Variants in HGS observed in about 807,000 individuals in gnomAD.
HGS encodes the protein hepatocyte growth factor-regulated tyrosine kinase substrate, also known as human growth factor-regulated tyrosine kinase substrate.
Under a neutral mutation model 109.7 loss-of-function variants are expected in HGS, and 63 were observed. The ratio of observed to expected loss-of-function variants is 0.57; its 90% confidence interval spans 0.47 to 0.71. The LOEUF is 0.71. Ranked by LOEUF, HGS falls within the 30% of genes least tolerant of loss-of-function variation. The probability of loss-of-function intolerance (pLI) is 0.00; values close to 1 mark genes in which losing one functional copy is unlikely to be tolerated. For synonymous variants in HGS, 546 were observed against 437.3 expected (o/e 1.25, Z -3.10); for missense variants, 995 against 1,068.3 (o/e 0.93, Z 0.96).
intron 18 of HGS, 116 bp from the exon 19 acceptor site, chr17:81,700,349 CAG>C: frequency 9.4e-7 from 1 of 1,060,302 alleles, no homozygotes; most frequent in East Asian, 2.7e-5. Flanking sequence ...AGCCTGGTGA[CAG>C]AGCAGGACTC....
chr17:81,688,651 C>A (rs925370066), intron 4 of HGS, 53 bp from the exon 5 acceptor site: 19 of 1,604,126 alleles, frequency 1.2e-5, no homozygotes, highest in Non-Finnish European at 1.6e-5. Context: ...CACACCGAGG[C>A]CTCTGGCGCC....
chr17:81,688,682 A>G, intron 4 of HGS, 22 bp from the exon 5 acceptor site: 1 of 1,612,224 alleles, frequency 6.2e-7, no homozygotes, highest in Non-Finnish European at 8.5e-7. Flanking sequence ...TGCGACCCTC[A>G]CCCCCTTCTC....
intron 21 of HGS, 138 bp downstream of exon 21, chr17:81,701,269 T>C (rs1223130392): frequency 1.2e-6 from 1 of 850,178 alleles, no homozygotes; most frequent in African/African-American, 1.7e-5. Flanking sequence ...CGAGGCCCCT[T>C]CTCAGCAGAC....
intron 21 of HGS, 164 bp downstream of exon 21, chr17:81,701,295 G>A: frequency 1.2e-6 from 1 of 801,424 alleles, no homozygotes; most frequent in Non-Finnish European, 2.0e-6. Flanking sequence ...GAGGACACAA[G>A]TCTCAGGGCA....
chr17:81,696,299 C>G, intron 15 of HGS, 58 bp from the exon 16 acceptor site: 9 of 1,471,346 alleles, frequency 6.1e-6, no homozygotes, highest in Non-Finnish European at 8.1e-6. Flanking sequence ...CCGTTCCACC[C>G]AGGAGCTTCT....
At chr17:81,684,439 C>T (rs981228741) in intron 1 of HGS, 3 of 273,566 alleles carry the variant, frequency 1.1e-5, no homozygotes, top group African/African-American at 2.2e-5. Flanking sequence ...AGGCCTGAGT[C>T]ATGAAAGTGG....
chr17:81,695,920 C>G lies in HGS; in HGVS notation c.1314C>G (p.Ala438=). ...GCCGCAGCATCACCAATGACTCGGCCGTGCTCTCACTCTTCCAGTCCATCA... is the reference window on the plus strand; with the variant it reads ...GCCGCAGCATCACCAATGACTCGGCGGTGCTCTCACTCTTCCAGTCCATCA... The part of the protein sequence containing the change: ...MRGRSITNDS[A]VLSLFQSING... Residue 438 remains alanine (A), a synonymous_variant, in exon 15 of 22, where the codon GCC becomes GCG. Transcript: ENST00000329138. The G allele has an allele frequency of 6.2e-7, 1 of 1,604,252 alleles. No homozygotes were observed.
intron 18 of HGS, chr17:81,697,648 T>A (rs1025860720): frequency 2.0e-5 from 3 of 152,170 alleles, no homozygotes; most frequent in Admixed American, 6.5e-5. Flanking sequence ...GCCTTCCAAA[T>A]ACCCTGGGAC....
rs1293352081 is a variant in HGS, at chr17:81,696,823, G to T, written c.1708-1G>T. 1 of 1,608,176 alleles carries T rather than the reference G, an allele frequency of 6.2e-7. No individual in the cohort carries two copies. Among genetic ancestry groups the T allele is most frequent in the South Asian group, 1.1e-5 (1 of 90,852 alleles). ...CTCACCGCTGTCTCTTTTGTCCCCA[G>T]CTCCAGGCCATGCCCGCAGCCGGAG... On this transcript the variant is annotated splice_acceptor_variant, in intron 17 of 21. Transcript: ENST00000329138. LOFTEE classifies it high-confidence loss of function.
At chr17:81,684,821 A>G (rs1448805806) in intron 1 of HGS, 4 of 832,308 alleles carry the variant, frequency 4.8e-6, no homozygotes, top group African/African-American at 1.9e-5. Flanking sequence ...AGGGTTTTCA[A>G]GGAGACTTCA....
At chr17:81,693,812 G>A (rs1231806883) in intron 10 of HGS, 58 bp from the exon 11 acceptor site, 1 of 1,556,020 alleles carries the variant, frequency 6.4e-7, no homozygotes, top group Admixed American at 1.9e-5. Flanking sequence ...ATGTGCTGCG[G>A]TGGGGCCGGA....
chr17:81,686,481 C>A, intron 3 of HGS, 94 bp downstream of exon 3: 1 of 847,428 alleles, frequency 1.2e-6, no homozygotes, highest in Non-Finnish European at 2.0e-6. Context: ...GCCTTGCCCA[C>A]CTCCCTGGGC....
rs1292373762 is a variant in HGS at position 81,696,967 on chromosome 17, C to T, written c.1851C>T (p.Gly617=). ...TGAGCCAGCCGGCCCCTGCCGCTGG[C>T]CCCTACCCCAGCATGCCCAGCACTG... The part of the protein sequence containing the change: ...VYMSQPAPAA[G]PYPSMPSTAA... The change falls in exon 18 of 22, where the codon GGC becomes GGT. Residue 617 remains glycine, a synonymous_variant. Transcript: ENST00000329138. 2.5e-6 allele frequency: 4 copies of T among 1,599,772 alleles called. No individual in the cohort carries two copies. Among genetic ancestry groups the T allele is most frequent in the East Asian group, 2.2e-5 (1 of 44,746 alleles).
Position 81,701,187 on chromosome 17 carries a change from G to A in HGS, c.2223+56G>A, listed in dbSNP as rs1555700754. ...CCCGCAGGGCACCCTCAGGCTTCAC[G>A]GTTTAGCAATGGGACCCCTGGCCCC... is the stretch of plus-strand genomic sequence containing the variant. On this transcript the variant is annotated intron_variant, in intron 21 of 21. Coordinates refer to ENST00000329138, the MANE Select transcript of HGS (RefSeq NM_004712.5). The A allele has an allele frequency of 3.4e-6, 5 of 1,492,138 alleles. No individual in the cohort carries two copies. The South Asian group carries it at 5.7e-5, about 17-fold the overall frequency. 92.4% of individuals were successfully genotyped at this position (1,492,138 alleles called of 1,614,324 possible). A position where few individuals can be genotyped will look rare whatever the true frequency, so the allele number is the denominator to read the frequency against.
In HGS at chr17:81,696,392, A is replaced by G; in HGVS notation, c.1429A>G (p.Ile477Val). Residue 477 changes from isoleucine (I) to valine (V), a missense_variant, in exon 16 of 22, where the codon ATC becomes GTC. Physicochemically the swap from Ile to Val is conservative, Grantham distance 29. This residue lies in a region of HGS where 163 missense variants were observed against 217.8 expected (regional missense o/e 0.75). Transcript: ENST00000329138. ...YEGLQDKLAQ[I>V]RDARGALSAL... ...GGGGCTGCAGGACAAGCTGGCACAG[A>G]TCCGCGATGCCCGGGGGGCGCTGAG... 1.3e-6 allele frequency: 2 copies of G among 1,589,146 alleles called. No homozygotes were observed. The highest frequency in any genetic ancestry group is 1.7e-6 in the Non-Finnish European group (2 of 1,170,224).
chr17:81,690,210 C>T lies in HGS; in HGVS notation c.444C>T (p.Ser148=), dbSNP rs577221125. The change falls in exon 6 of 22, where the codon AGC becomes AGT. Residue 148 remains serine, a synonymous_variant. Transcript: ENST00000329138. ...ACGTCTTTCCAGAATTCAAAGAGAG[C>T]GATGCCATGTTTGCTGCCGAGAGAG... ...EGHVFPEFKE[S]DAMFAAERAP... is the part of the protein sequence containing the mutation. 11 of 1,613,656 alleles carry T rather than the reference C, an allele frequency of 6.8e-6. No individual in the cohort carries two copies. The highest frequency in any genetic ancestry group is 6.7e-5 in the Admixed American group (4 of 59,970).
intron 6 of HGS, 177 bp from the exon 7 acceptor site, chr17:81,690,497 C>T: frequency 1.6e-6 from 1 of 630,636 alleles, no homozygotes; most frequent in Non-Finnish European, 2.7e-6. Flanking sequence ...GTCCCTTCCT[C>T]AGGCCTCGGC....
At chr17:81,700,848 G>C in intron 20 of HGS, 34 bp downstream of exon 20, 1 of 1,596,354 alleles carries the variant, frequency 6.3e-7, no homozygotes, top group Non-Finnish European at 8.6e-7. Flanking sequence ...TGGGGGCCAG[G>C]GTGGGGGAGC....
chr17:81,700,730 C>T lies in HGS; in HGVS notation c.2052C>T (p.Ala684=). The T allele has an allele frequency of 6.2e-7, 1 of 1,612,528 alleles. No homozygotes were observed. Among genetic ancestry groups the T allele is most frequent in the Non-Finnish European group, 8.5e-7 (1 of 1,179,840 alleles). ...CCCAGGCCCCACAGAGCCTCCCGGCCATCTCTCAGCCTCCGCAGTCCAGCA... is the reference window on the plus strand; with the variant it reads ...CCCAGGCCCCACAGAGCCTCCCGGCTATCTCTCAGCCTCCGCAGTCCAGCA... ...VASQAPQSLP[A]ISQPPQSSTM... The change falls in exon 20 of 22, where the codon GCC becomes GCT. Residue 684 remains alanine, a synonymous_variant. Coordinates refer to ENST00000329138, the MANE Select transcript of HGS (RefSeq NM_004712.5).
Sources: gnomAD v4.1 joint callset for allele counts on GRCh38, gnomAD v4.1.1 for gene constraint, gnomAD v4.1.1 regional missense constraint, MANE v1.5 for transcripts, NCBI Gene and HGNC (gene_info 2026-07-23, HGNC 2026-07-21) for gene names.